NDST3: variants seen among roughly 807,000 people sequenced by gnomAD.
The protein encoded by NDST3 is bifunctional heparan sulfate N-deacetylase/N-sulfotransferase 3.
NDST3 carries 58 observed loss-of-function variants against 96.1 expected under a neutral mutation model. That is an observed-to-expected ratio of 0.60 (90% confidence interval 0.49 to 0.75). The LOEUF is 0.75. NDST3 is among the 30% of genes least tolerant of loss of function. The pLI is 0.00. For missense variants in NDST3, 788 were observed against 1,034.2 expected, an observed-to-expected ratio of 0.76 and a Z score of 3.27; for synonymous variants, 333 against 359.7, an observed-to-expected ratio of 0.93 and a Z score of 0.84.
intron 2 of NDST3, among the ~76,000 whole-genome samples, chr4:118,095,768 CTCTA>C (rs1560639090): frequency 1.3e-5 from 2 of 151,870 alleles, no homozygotes; most frequent in Non-Finnish European, 2.9e-5. Flanking sequence ...AATCTACTCT[CTCTA>C]TCTATGGCTG....
Position 118,079,842 on chromosome 4 carries a change from C to T in NDST3, c.981+24951C>T, listed in dbSNP as rs184169288. On this transcript the variant is annotated intron_variant, in intron 2 of 13. Coordinates refer to ENST00000296499, the MANE Select transcript of NDST3 (RefSeq NM_004784.3). ...GGTAATAAAGATGGTGAGAAGTTAA[C>T]GGGCTTGAGACATATTGAAAATGTA... is the stretch of plus-strand genomic sequence containing the variant. Among the ~76,000 whole-genome samples, 199 of 152,190 alleles carry T rather than the reference C, an allele frequency of 1.3e-3. 1 individual carries two copies. Among genetic ancestry groups the T allele is most frequent in the Middle Eastern group, 0.01 (3 of 294 alleles).
At chr4:118,086,794 T>C (rs1221106739) in intron 2 of NDST3, among the ~76,000 whole-genome samples, 1 of 152,176 alleles carries the variant, frequency 6.6e-6, no homozygotes, top group African/African-American at 2.4e-5. Context: ...CTTTTTGTAG[T>C]TGAAAATGAA....
intron 6 of NDST3, among the ~76,000 whole-genome samples, chr4:118,222,997 A>G (rs1055537426): frequency 1.3e-5 from 2 of 151,988 alleles, no homozygotes; most frequent in Admixed American, 1.3e-4. Context: ...TTACTGACAA[A>G]TCTTTCATAA....
intron 6 of NDST3, among the ~76,000 whole-genome samples, chr4:118,198,057 C>T (rs999240974): frequency 6.6e-6 from 1 of 152,050 alleles, no homozygotes; most frequent in East Asian, 1.9e-4. Context: ...CTCAGCCTCC[C>T]AAAGTGCTGG....
rs144553021 is a variant in NDST3 at position 118,242,112 on chromosome 4, G to A, written c.2362G>A (p.Gly788Arg). The A allele has an allele frequency of 2.4e-4, 391 of 1,611,986 alleles. 1 individual carries two copies. Among genetic ancestry groups the A allele is most frequent in the Non-Finnish European group, 2.4e-4 (285 of 1,178,454 alleles). The part of the protein sequence containing the change: ...TVMDEVQKFL[G>R]VLPHYNYSEA... Reference sequence around the variant, plus strand: ...GATGGATGAAGTACAGAAGTTTCTAGGAGTCTTGCCTCATTATAATTACTC... The same window carrying A: ...GATGGATGAAGTACAGAAGTTTCTAAGAGTCTTGCCTCATTATAATTACTC... The change falls in exon 12 of 14, where the codon GGA becomes AGA. Residue 788 changes from glycine (G) to arginine (R), a missense_variant. Around this residue, in one of 3 missense-constraint regions of NDST3, gnomAD observed 490 missense variants for 708.8 expected, o/e 0.69. Coordinates refer to ENST00000296499, the MANE Select transcript of NDST3 (RefSeq NM_004784.3).
chr4:118,069,330 T>G (rs914928176), intron 2 of NDST3, among the ~76,000 whole-genome samples: 2 of 152,030 alleles, frequency 1.3e-5, no homozygotes, highest in Non-Finnish European at 1.5e-5. Flanking sequence ...GATCTGAGGT[T>G]GAATTATATA....
chr4:118,076,069 C>G (rs1005290268), intron 2 of NDST3, among the ~76,000 whole-genome samples: 2 of 152,090 alleles, frequency 1.3e-5, no homozygotes, highest in African/African-American at 4.8e-5. Flanking sequence ...CTTAGTTTGG[C>G]TGGATATGAG....
chr4:118,179,998 G>A (rs964736703), intron 6 of NDST3, among the ~76,000 whole-genome samples: 3 of 152,002 alleles, frequency 2.0e-5, no homozygotes, highest in Non-Finnish European at 2.9e-5. Flanking sequence ...CCTACCTTAC[G>A]CCTCCAGTTA....
At chr4:118,095,772 A>C (rs147681702) in intron 2 of NDST3, among the ~76,000 whole-genome samples, 2 of 151,962 alleles carry the variant, frequency 1.3e-5, no homozygotes, top group African/African-American at 2.4e-5. Context: ...TACTCTCTCT[A>C]TCTATGGCTG....
In NDST3 at chr4:118,054,047, C is replaced by A. The variant is rs746528393; in HGVS notation, c.137C>A (p.Thr46Lys). The A allele has an allele frequency of 1.9e-6, 3 of 1,612,924 alleles. No homozygotes were observed. The Admixed American group carries it at 5.0e-5, about 27-fold the overall frequency. ...GYKQENELSE[T>K]ASEVDCGDLQ... The stretch of plus-strand genomic sequence containing the variant: ...AAACAGGAAAATGAACTCTCTGAGA[C>A]GGCTTCAGAAGTTGACTGTGGCGAC... The change falls in exon 2 of 14, where the codon ACG (threonine) becomes AAG (lysine). Residue 46 changes from threonine to lysine, a missense_variant. Physicochemically the swap from Thr to Lys is moderately conservative, Grantham distance 78. This residue lies in a region of NDST3 where 234 missense variants were observed against 256.9 expected (regional missense o/e 0.91). Transcript: ENST00000296499.
At chr4:118,214,252 T>C (rs1043435077) in intron 6 of NDST3, among the ~76,000 whole-genome samples, 3 of 152,100 alleles carry the variant, frequency 2.0e-5, no homozygotes, top group African/African-American at 7.2e-5. Context: ...GGTAGGGGCA[T>C]TATCATGATG....
At chr4:118,039,132 G>T (rs928631929) in intron 1 of NDST3, among the ~76,000 whole-genome samples, 15 of 152,062 alleles carry the variant, frequency 9.9e-5, no homozygotes, top group Non-Finnish European at 2.9e-5. Context: ...AAAAACAGAT[G>T]CATTGCAAAG....
chr4:118,223,374 T>C (rs1045601974), intron 6 of NDST3, among the ~76,000 whole-genome samples: 3 of 152,070 alleles, frequency 2.0e-5, no homozygotes, highest in Non-Finnish European at 4.4e-5. Context: ...AAAGGCTTAG[T>C]TCCCAATTCC....
At chr4:118,227,607 C>CTTTT (rs67330081) in intron 8 of NDST3, among the ~76,000 whole-genome samples, 15 of 106,114 alleles carry the variant, frequency 1.4e-4, no homozygotes, top group African/African-American at 3.7e-4. Flanking sequence ...TCACCATAAA[C>CTTTT]TTTTTTTTTT....
chr4:118,057,263 G>GT (rs1025070664), intron 2 of NDST3, among the ~76,000 whole-genome samples: 2 of 152,048 alleles, frequency 1.3e-5, no homozygotes, highest in Non-Finnish European at 1.5e-5. Flanking sequence ...GTGAACAACA[G>GT]TAAGTAAGAG....
At chr4:118,047,599 A>T (rs976983695) in intron 1 of NDST3, among the ~76,000 whole-genome samples, 1 of 152,242 alleles carries the variant, frequency 6.6e-6, no homozygotes, top group Non-Finnish European at 1.5e-5. Context: ...GAATTTCATA[A>T]TACAATTAGA....
intron 3 of NDST3, 102 bp downstream of exon 3, chr4:118,105,207 C>A: frequency 1.4e-6 from 1 of 732,492 alleles, no homozygotes; most frequent in Non-Finnish European, 2.2e-6. Context: ...CCCTATGTTC[C>A]TCCCCAGCAT....
At chr4:118,238,155 A>AAAAGAAAG (rs552263074) in intron 10 of NDST3, among the ~76,000 whole-genome samples, 47 of 91,276 alleles carry the variant, frequency 5.1e-4, no homozygotes, top group East Asian at 1.5e-3. Flanking sequence ...GAAAAGAAAG[A>AAAAGAAAG]AAAGAAAGAA....
chr4:118,088,877 T>C (rs1282476858), intron 2 of NDST3, among the ~76,000 whole-genome samples: 1 of 151,938 alleles, frequency 6.6e-6, no homozygotes, highest in Non-Finnish European at 1.5e-5. Context: ...GGCTCTCTGA[T>C]AGTTAATTGC....
Sources: allele counts gnomAD v4.1 joint callset (sites outside exome capture counted in the v4.1 genomes callset), GRCh38; gene constraint gnomAD v4.1.1; regional missense constraint gnomAD v4.1.1; transcripts MANE v1.5; gene names NCBI Gene and HGNC (gene_info 2026-07-23, HGNC 2026-07-21).